ADARB2: variants seen among roughly 807,000 people sequenced by gnomAD.
The protein encoded by ADARB2 is inactive double-stranded RNA-specific editase B2.
A neutral mutation model predicts 62.2 loss-of-function variants in ADARB2; 25 were observed. That is an observed-to-expected ratio of 0.40 (90% CI 0.29 to 0.56). ADARB2 has a LOEUF of 0.56. Among genes scored for constraint, ADARB2 ranks in the 20% least tolerant of loss-of-function variants. The probability of loss-of-function intolerance (pLI) is 0.43; values close to 1 mark genes in which losing one functional copy is unlikely to be tolerated. For synonymous variants in ADARB2, 572 were observed against 500.8 expected (o/e 1.14, Z -1.90); for missense variants, 1,071 against 1,077.4 (o/e 0.99, Z 0.08).
rs1367659839 is a variant in ADARB2 at position 1,363,341 on chromosome 10, C to G, written c.764G>C (p.Arg255Pro). The change falls in exon 3 of 10, where the codon CGG becomes CCG. Residue 255 changes from arginine (R) to proline (P), a missense_variant. By Grantham distance (103) the Arg-to-Pro change is moderately radical. Transcript: ENST00000381312. ...CAGGTCCAGCGCGCGGCACAGCAGC[C>G]GCCGTCGCCCGTAGGCCGCGGACAG... The part of the protein sequence containing the change: ...ALLSAAYGRR[R>P]LLCRALDLVG... 3 of 1,247,934 alleles carry G rather than the reference C, an allele frequency of 2.4e-6. No homozygotes were observed. In the East Asian group the frequency reaches 1.0e-4, roughly 42 times the overall value. 77.3% of individuals were successfully genotyped at this position (1,247,934 alleles called of 1,614,324 possible).
intron 1 of ADARB2, among the ~76,000 whole-genome samples, chr10:1,581,761 T>C (rs1375495132): frequency 2.6e-5 from 4 of 151,654 alleles, no homozygotes; most frequent in Non-Finnish European, 4.4e-5. Context: ...TGCACATACA[T>C]AGACATAGTG....
intron 1 of ADARB2, among the ~76,000 whole-genome samples, chr10:1,417,849 T>C (rs1832818214): frequency 6.6e-6 from 1 of 152,266 alleles, no homozygotes; most frequent in Non-Finnish European, 1.5e-5. Context: ...CCATGTGCGT[T>C]GAGGCCACGC....
intron 3 of ADARB2, among the ~76,000 whole-genome samples, chr10:1,311,950 G>A (rs906540084): frequency 1.3e-5 from 2 of 152,216 alleles, no homozygotes; most frequent in East Asian, 3.9e-4. Flanking sequence ...ACTGAAGTGA[G>A]CAGCCTAATC....
At chr10:1,378,117 G>A (rs746783489) in intron 2 of ADARB2, among the ~76,000 whole-genome samples, 5 of 152,160 alleles carry the variant, frequency 3.3e-5, no homozygotes, top group African/African-American at 4.8e-5. Flanking sequence ...GGAATGTCTC[G>A]TCTTCTTTGT....
chr10:1,589,846 T>A (rs1833229477), intron 1 of ADARB2, among the ~76,000 whole-genome samples: 1 of 152,144 alleles, frequency 6.6e-6, no homozygotes, highest in Non-Finnish European at 1.5e-5. Context: ...GCTAATTTTT[T>A]TGTTTGTAGG....
At chr10:1,271,649 C>T (rs996748467) in intron 3 of ADARB2, among the ~76,000 whole-genome samples, 11 of 152,198 alleles carry the variant, frequency 7.2e-5, no homozygotes, top group African/African-American at 2.2e-4. Flanking sequence ...CACAGACACA[C>T]ACATACACAT....
At chr10:1,574,402 G>C (rs781738301) in intron 1 of ADARB2, among the ~76,000 whole-genome samples, 14 of 152,230 alleles carry the variant, frequency 9.2e-5, no homozygotes, top group Admixed American at 9.2e-4. Flanking sequence ...TTGGGCAGAC[G>C]ACGGGAGCCA....
At chr10:1,367,093 CAT>C (rs71864536) in intron 2 of ADARB2, among the ~76,000 whole-genome samples, 40,869 of 151,856 alleles carry the variant, frequency 0.27, 6,205 homozygotes, top group Middle Eastern at 0.43. Flanking sequence ...ATAATAAAAA[CAT>C]ACATTTCATA....
intron 1 of ADARB2, among the ~76,000 whole-genome samples, chr10:1,479,098 C>T (rs1044599928): frequency 4.6e-5 from 7 of 152,136 alleles, no homozygotes; most frequent in South Asian, 2.1e-4. Flanking sequence ...TATGTGTGGC[C>T]GCATCTCAGC....
At chr10:1,547,310 T>G (rs2131974399) in intron 1 of ADARB2, among the ~76,000 whole-genome samples, 1 of 39,324 alleles carries the variant, frequency 2.5e-5, no homozygotes, top group African/African-American at 9.2e-5. Context: ...CTATGTACTG[T>G]GTTGGGGGAG....
chr10:1,615,241 TG>T (rs1296946164), intron 1 of ADARB2, among the ~76,000 whole-genome samples: 1 of 152,240 alleles, frequency 6.6e-6, no homozygotes. Flanking sequence ...CACTCTCCAC[TG>T]CCTGCCCCAC....
At chr10:1,713,128 C>T (rs1834972194) in intron 1 of ADARB2, among the ~76,000 whole-genome samples, 1 of 152,184 alleles carries the variant, frequency 6.6e-6, no homozygotes, top group Admixed American at 6.5e-5. Context: ...AGGCTGCAGA[C>T]ATGGGGCGCC....
At chr10:1,478,213 T>G (rs1296564593) in intron 1 of ADARB2, among the ~76,000 whole-genome samples, 2 of 152,218 alleles carry the variant, frequency 1.3e-5, no homozygotes, top group Non-Finnish European at 2.9e-5. Flanking sequence ...CGTGATGTTA[T>G]TCTCTTTCAT....
intron 1 of ADARB2, among the ~76,000 whole-genome samples, chr10:1,407,871 C>A (rs1413817308): frequency 1.3e-5 from 2 of 152,198 alleles, no homozygotes; most frequent in Non-Finnish European, 2.9e-5. Context: ...GGCAGACAGA[C>A]CCAAAGCCTC....
intron 1 of ADARB2, among the ~76,000 whole-genome samples, chr10:1,383,159 G>A (rs188225631): frequency 6.6e-6 from 1 of 152,316 alleles, no homozygotes; most frequent in Admixed American, 6.5e-5. Flanking sequence ...CATCTGGAGG[G>A]CACAGCAGCC....
chr10:1,679,073 G>A (rs569377526), intron 1 of ADARB2, among the ~76,000 whole-genome samples: 1 of 152,322 alleles, frequency 6.6e-6, no homozygotes, highest in South Asian at 2.1e-4. Context: ...AAGAAGTGCA[G>A]GCCCTGGGCC....
At chr10:1,431,551 T>C (rs1020960373) in intron 1 of ADARB2, among the ~76,000 whole-genome samples, 2 of 151,828 alleles carry the variant, frequency 1.3e-5, no homozygotes. Context: ...TTCTATTTTA[T>C]AAAACTATAA....
intron 7 of ADARB2, among the ~76,000 whole-genome samples, chr10:1,211,149 T>C (rs1197185269): frequency 2.1e-5 from 3 of 145,098 alleles, no homozygotes; most frequent in Non-Finnish European, 1.5e-5. Context: ...TAATCTATAA[T>C]CTATCATCTA....
At chr10:1,723,391 A>G (rs2119168093) in intron 1 of ADARB2, among the ~76,000 whole-genome samples, 1 of 152,308 alleles carries the variant, frequency 6.6e-6, no homozygotes, top group South Asian at 2.1e-4. Flanking sequence ...TCTTAAGCAA[A>G]GAACAGCCGG....
Sources: allele counts gnomAD v4.1 joint callset (sites outside exome capture counted in the v4.1 genomes callset), GRCh38; gene constraint gnomAD v4.1.1; transcripts MANE v1.5; gene names NCBI Gene and HGNC (gene_info 2026-07-23, HGNC 2026-07-21).